The following SLC5A11 variants were observed in gnomAD, a reference collection of about 807,000 sequenced individuals.
SLC5A11 encodes the protein solute carrier family 5 member 11.
In SLC5A11, 48 loss-of-function variants were observed where a neutral mutation model predicts 69.8. The observed-to-expected ratio is 0.69, with a 90% CI of 0.55 to 0.87. The LOEUF (loss-of-function observed/expected upper bound fraction) is 0.87. Ranked by LOEUF, SLC5A11 falls within the 40% of genes least tolerant of loss-of-function variation. The pLI is 0.00. For synonymous variants in SLC5A11, 319 were observed against 342.4 expected (o/e 0.93, Z 0.75); for missense variants, 784 against 866.1 (o/e 0.91, Z 1.19).
At chr16:24,897,072 C>T (rs192806810) in intron 9 of SLC5A11, among the ~76,000 whole-genome samples, 9 of 151,422 alleles carry the variant, frequency 5.9e-5, no homozygotes, top group Admixed American at 3.3e-4. Flanking sequence ...CCTGTCTCAG[C>T]CTCCCAAGTA....
intron 5 of SLC5A11, among the ~76,000 whole-genome samples, chr16:24,872,500 A>G (rs1567610367): frequency 1.3e-5 from 2 of 152,134 alleles, no homozygotes; most frequent in Non-Finnish European, 2.9e-5. Flanking sequence ...CAAAACACAA[A>G]TGTAAAGCTC....
At chr16:24,910,406 T>C in exon 15 of SLC5A11, 1 of 1,614,182 alleles carries the variant, frequency 6.2e-7, no homozygotes, top group Non-Finnish European at 8.5e-7. Flanking sequence ...CAGAACGGGA[T>C]GCCAGAGGCC....
Position 24,910,461 on chromosome 16 carries a change from G to C in SLC5A11, c.1806G>C (p.Thr602=), listed in dbSNP as rs151021366. The change falls in exon 15 of 16, where the codon ACG becomes ACC. Residue 602 remains threonine (T), a synonymous_variant. Coordinates refer to ENST00000347898, the Ensembl canonical transcript of SLC5A11. ...AGTTCGAGATGGTTCAAGAAAACAC[G>C]TCTAAAACCCACAGCTGTGAGTAGC... is the stretch of plus-strand genomic sequence containing the variant. 1.9e-6 allele frequency: 3 copies of C among 1,614,010 alleles called. No individual in the cohort carries two copies. In the East Asian group the frequency reaches 6.7e-5, roughly 36 times the overall value.
intron 4 of SLC5A11, among the ~76,000 whole-genome samples, chr16:24,870,781 CAAAAAAAA>C (rs57742222): frequency 4.5e-5 from 3 of 66,548 alleles, no homozygotes; most frequent in Non-Finnish European, 8.1e-5. Context: ...CTCTGTCTCA[CAAAAAAAA>C]AAAAAAAAAA....
At chr16:24,911,200 C>G in intron 15 of SLC5A11, 128 bp from the exon 17 acceptor site, 1 of 741,140 alleles carries the variant, frequency 1.3e-6, no homozygotes, top group South Asian at 1.8e-5. Flanking sequence ...AGATTTCAGT[C>G]GGGCATAGTG....
exon 7 of SLC5A11, chr16:24,877,276 G>A: frequency 6.2e-7 from 1 of 1,614,036 alleles, no homozygotes; most frequent in Non-Finnish European, 8.5e-7. Flanking sequence ...GTATGCAGGT[G>A]CCATCTTCAT....
chr16:24,878,340 C>G (rs2047819708), intron 7 of SLC5A11, among the ~76,000 whole-genome samples: 1 of 152,356 alleles, frequency 6.6e-6, no homozygotes, highest in East Asian at 1.9e-4. Context: ...GTAACCTCAT[C>G]TCTCCGCCTC....
intron 1 of SLC5A11, among the ~76,000 whole-genome samples, chr16:24,856,778 A>G (rs1193599153): frequency 1.3e-5 from 2 of 150,972 alleles, no homozygotes; most frequent in African/African-American, 2.4e-5. Context: ...CTCAAAAAAT[A>G]AATAAATAAA....
intron 9 of SLC5A11, among the ~76,000 whole-genome samples, 156 bp from the exon 11 acceptor site, chr16:24,897,818 T>C (rs1188049425): frequency 6.6e-6 from 1 of 152,218 alleles, no homozygotes; most frequent in African/African-American, 2.4e-5. Context: ...GAGAACAGTA[T>C]GGAGGAAACT....
chr16:24,902,610 C>T (rs572120818), intron 10 of SLC5A11, among the ~76,000 whole-genome samples: 114 of 142,770 alleles, frequency 8.0e-4, no homozygotes, highest in Admixed American at 2.0e-3. Context: ...TGCAATGGTG[C>T]GATCTCCACT....
rs779820095 is a variant in SLC5A11, at chr16:24,908,939, A to G, written c.1493A>G (p.Asp498Gly). ...CTGGGCTTGGTTAGGCTGGTCCTGG[A>G]CTTTATTTACGTGCAGCCTCGATGC... The change falls in exon 14 of 16, where the codon GAC becomes GGC. Residue 498 changes from aspartate to glycine, a missense_variant. By Grantham distance (94) the Asp-to-Gly change is moderately conservative (BLOSUM62 -1). Coordinates refer to ENST00000347898, the Ensembl canonical transcript of SLC5A11. 12 of 1,613,984 alleles carry G rather than the reference A, an allele frequency of 7.4e-6. No individual in the cohort carries two copies. In the Middle Eastern group the frequency reaches 6.6e-4, roughly 89 times the overall value.
At chr16:24,911,534 T>G in exon 16 of SLC5A11, 2 of 1,614,198 alleles carry the variant, frequency 1.2e-6, no homozygotes, top group Non-Finnish European at 1.7e-6. Flanking sequence ...TTTTGCTTAG[T>G]GTGGGGTGAA....
chr16:24,852,227 C>T (rs1250264029), intron 1 of SLC5A11, among the ~76,000 whole-genome samples: 1 of 152,170 alleles, frequency 6.6e-6, no homozygotes, highest in Non-Finnish European at 1.5e-5. Flanking sequence ...CAGCCTAAGG[C>T]ATGAAATGCG....
rs1169015317 is a variant in SLC5A11, at chr16:24,888,783, C to CTTT, written c.665-2059_665-2057dup. ...ACAGGTGTGAGCCACCGTGCCTGTC[C>CTTT]TTTTTTTTTTTTTTTTTTTTTTTTT... On this transcript the variant is annotated intron_variant, in intron 8 of 15. Transcript: ENST00000347898. Among the ~76,000 whole-genome samples the CTTT allele has an allele frequency of 7.7e-3, 350 of 45,748 alleles. 102 individuals carry two copies. Among genetic ancestry groups the CTTT allele is most frequent in the Middle Eastern group, 0.028 (1 of 36 alleles). The allele number at this position is 45,748 out of a possible 152,430, so 30.0% of individuals were successfully genotyped here. A position where few individuals can be genotyped will look rare whatever the true frequency, so the allele number is the denominator to read the frequency against.
At chr16:24,886,971 G>C (rs1186981666) in intron 8 of SLC5A11, among the ~76,000 whole-genome samples, 8 of 151,800 alleles carry the variant, frequency 5.3e-5, no homozygotes, top group Admixed American at 4.6e-4. Context: ...CTGTATATAA[G>C]AAAAAAAGAA....
intron 5 of SLC5A11, among the ~76,000 whole-genome samples, chr16:24,875,341 C>T (rs1393033778): frequency 1.3e-5 from 2 of 152,084 alleles, no homozygotes; most frequent in Non-Finnish European, 1.5e-5. Context: ...CCTGTCACCA[C>T]GCATGACTAA....
At chr16:24,888,109 C>T (rs2048504855) in intron 8 of SLC5A11, among the ~76,000 whole-genome samples, 1 of 152,046 alleles carries the variant, frequency 6.6e-6, no homozygotes, top group African/African-American at 2.4e-5. Flanking sequence ...CATGGAATCA[C>T]CCGCAAAAAT....
intron 1 of SLC5A11, among the ~76,000 whole-genome samples, chr16:24,851,106 C>T (rs184022829): frequency 1.8e-4 from 27 of 151,756 alleles, no homozygotes; most frequent in African/African-American, 4.6e-4. Flanking sequence ...CCACTGCACC[C>T]GGCCTAGTTT....
Position 24,898,113 on chromosome 16 carries a change from A to T in SLC5A11, c.1006+4A>T. 6.2e-7 allele frequency: 1 copy of T among 1,613,606 alleles called. No homozygotes were observed. Reference sequence around the variant, plus strand: ...GTCAGCCGCATCCTCTTCCCAGGTGAGAACACAGCTGGGGGAAGAGGTCAT... The same window carrying T: ...GTCAGCCGCATCCTCTTCCCAGGTGTGAACACAGCTGGGGGAAGAGGTCAT... On this transcript the variant is annotated splice_donor_region_variant and intron_variant, in intron 10 of 15. Coordinates refer to ENST00000347898, the Ensembl canonical transcript of SLC5A11.
Sources: allele counts gnomAD v4.1 joint callset (sites outside exome capture counted in the v4.1 genomes callset), GRCh38; gene constraint gnomAD v4.1.1; transcripts MANE v1.5; gene names NCBI Gene and HGNC (gene_info 2026-07-23, HGNC 2026-07-21).